The following PTCHD4 variants were observed in gnomAD, a reference collection of about 807,000 sequenced individuals.
PTCHD4 encodes the protein patched domain-containing protein 4.
PTCHD4 carries 33 observed loss-of-function variants against 58.1 expected under a neutral mutation model. That is an observed-to-expected ratio of 0.57 (90% confidence interval 0.43 to 0.76). PTCHD4 has a LOEUF of 0.76. PTCHD4 is among the 30% of genes least tolerant of loss of function. The pLI is 0.00. For missense variants in PTCHD4, 1,058 were observed against 1,027.1 expected (o/e 1.03, Z -0.41); for synonymous variants, 478 against 409.6 (o/e 1.17, Z -2.02).
intron 4 of PTCHD4, among the ~76,000 whole-genome samples, chr6:47,974,296 AT>A (rs1359113868): frequency 6.6e-6 from 1 of 152,118 alleles, no homozygotes; most frequent in Non-Finnish European, 1.5e-5. Context: ...GCCAAACTCC[AT>A]TTTCTCCTTC....
intron 1 of PTCHD4, among the ~76,000 whole-genome samples, chr6:48,094,452 T>C (rs1765423172): frequency 6.6e-6 from 1 of 152,092 alleles, no homozygotes; most frequent in Non-Finnish European, 1.5e-5. Context: ...TGAAGAAACA[T>C]TGAGATCAAT....
chr6:47,925,606 C>T (rs1287509447), intron 4 of PTCHD4, among the ~76,000 whole-genome samples: 1 of 152,208 alleles, frequency 6.6e-6, no homozygotes, highest in African/African-American at 2.4e-5. Context: ...AGCATCACAG[C>T]TCCTTAAATT....
chr6:47,913,153 G>A (rs979204041), intron 4 of PTCHD4, among the ~76,000 whole-genome samples: 21 of 152,024 alleles, frequency 1.4e-4, no homozygotes, highest in African/African-American at 4.8e-4. Context: ...TTTGTGCCAG[G>A]CACTTAGCTT....
intron 1 of PTCHD4, among the ~76,000 whole-genome samples, chr6:48,080,168 G>A (rs2113892829): frequency 6.6e-6 from 1 of 152,034 alleles, no homozygotes; most frequent in South Asian, 2.1e-4. Flanking sequence ...CTCAGACTAT[G>A]TTTGACATTC....
At chr6:47,909,977 G>A (rs527909953) in intron 4 of PTCHD4, among the ~76,000 whole-genome samples, 4 of 152,164 alleles carry the variant, frequency 2.6e-5, no homozygotes, top group East Asian at 1.9e-4. Flanking sequence ...TTATATAAAC[G>A]TGTTTGTTTT....
rs139391916 is a variant in PTCHD4 at position 47,874,273 on chromosome 6, C to T, written c.*4030G>A. 2.8e-3 allele frequency among the ~76,000 whole-genome samples: 418 copies of T among 151,768 alleles called. 3 individuals carry two copies. The highest frequency in any genetic ancestry group is 8.1e-3 in the African/African-American group (337 of 41,462). On this transcript the variant is annotated 3_prime_UTR_variant, in exon 5 of 5. Transcript: ENST00000339488. ...ATTGCTTACCTGGGGATGGAACTTT[C>T]TGTGGACTTTAGGCCCTTAAGACCA...
intron 3 of PTCHD4, among the ~76,000 whole-genome samples, chr6:48,020,283 G>A (rs1284838563): frequency 6.6e-6 from 1 of 151,938 alleles, no homozygotes; most frequent in Admixed American, 6.6e-5. Context: ...AGGTTTTTCA[G>A]ATCTTATGGA....
rs1764860831 is a variant in PTCHD4 at position 48,068,148 on chromosome 6, T to C, written c.417+82A>G. Reference sequence around the variant, plus strand: ...CTGAGATCCTCTAGCACTGAAATAATATCATCCAGCACGCATTTCTTATCC... The same window carrying C: ...CTGAGATCCTCTAGCACTGAAATAACATCATCCAGCACGCATTTCTTATCC... On this transcript the variant is annotated intron_variant, in intron 3 of 4. Transcript: ENST00000339488. This position sits in a 1 kb window ranked among gnomAD's most constrained non-coding sequence, Gnocchi z 4.2. The C allele has an allele frequency of 7.0e-7, 1 of 1,418,610 alleles. No homozygotes were observed. 87.9% of individuals were successfully genotyped at this position (1,418,610 alleles called of 1,614,324 possible).
intron 4 of PTCHD4, among the ~76,000 whole-genome samples, chr6:47,897,632 A>T (rs115020642): frequency 0.013 from 2,023 of 152,282 alleles, 21 homozygotes; most frequent in South Asian, 0.026. Flanking sequence ...AGATTCCTAC[A>T]TTGGCTTCTG....
At chr6:47,978,128 TCTC>T (rs775748323) in intron 4 of PTCHD4, among the ~76,000 whole-genome samples, 5 of 152,118 alleles carry the variant, frequency 3.3e-5, no homozygotes, top group African/African-American at 4.8e-5. Context: ...TTATTTTTCT[TCTC>T]CTCCTTTACT....
At chr6:47,950,031 TC>T (rs1477224263) in intron 4 of PTCHD4, among the ~76,000 whole-genome samples, 3 of 93,686 alleles carry the variant, frequency 3.2e-5, no homozygotes, top group Non-Finnish European at 6.4e-5. Context: ...CTCTTCCCCC[TC>T]CCCCCACCCC....
At chr6:47,995,180 A>G (rs927239091) in intron 4 of PTCHD4, among the ~76,000 whole-genome samples, 3 of 152,200 alleles carry the variant, frequency 2.0e-5, no homozygotes, top group Non-Finnish European at 2.9e-5. Flanking sequence ...TACTTAGTTC[A>G]TTTACTTACA....
intron 4 of PTCHD4, among the ~76,000 whole-genome samples, chr6:47,925,506 T>C (rs568789720): frequency 6.6e-6 from 1 of 152,224 alleles, no homozygotes; most frequent in African/African-American, 2.4e-5. Context: ...TAGAGAAGAG[T>C]GGCACCAACT....
intron 4 of PTCHD4, among the ~76,000 whole-genome samples, chr6:47,891,331 G>A (rs1764375683): frequency 6.6e-6 from 1 of 151,612 alleles, no homozygotes; most frequent in Non-Finnish European, 1.5e-5. Flanking sequence ...ACTCCCAGCT[G>A]TGTTGAGTGT....
At chr6:48,014,879 T>G in intron 3 of PTCHD4, among the ~76,000 whole-genome samples, 1 of 152,100 alleles carries the variant, frequency 6.6e-6, no homozygotes, top group East Asian at 1.9e-4. Context: ...GTCCAGTCCT[T>G]TCTAGAGTCC....
chr6:48,047,734 C>T (rs1764088256), intron 3 of PTCHD4, among the ~76,000 whole-genome samples: 1 of 151,736 alleles, frequency 6.6e-6, no homozygotes, highest in Admixed American at 6.6e-5. Flanking sequence ...GCTCCCTTGC[C>T]CCTTCTATCA....
chr6:48,067,158 G>A lies in PTCHD4; in HGVS notation c.417+1072C>T, dbSNP rs1265232402. Among the ~76,000 whole-genome samples the A allele has an allele frequency of 2.0e-5, 3 of 152,234 alleles. No homozygotes were observed. In the East Asian group the frequency reaches 5.8e-4, roughly 29 times the overall value. On this transcript the variant is annotated intron_variant, in intron 3 of 4. Coordinates refer to ENST00000339488, the MANE Select transcript of PTCHD4 (RefSeq NM_001384253.1). ...GACAAATGGTGCAGTGACTCTTTTG[G>A]AAGTCACATTTGTCCCTGAAACTTC...
chr6:47,987,631 G>T (rs1023005958), intron 4 of PTCHD4, among the ~76,000 whole-genome samples: 2 of 152,088 alleles, frequency 1.3e-5, no homozygotes, highest in Non-Finnish European at 2.9e-5. Context: ...GGAATGAGAG[G>T]GTTCAGAAAT....
chr6:47,914,760 CTATCTA>C (rs1561954637), intron 4 of PTCHD4, among the ~76,000 whole-genome samples: 51 of 148,206 alleles, frequency 3.4e-4, no homozygotes, highest in African/African-American at 1.3e-3. Flanking sequence ...ATCTATCTAT[CTATCTA>C]TCTATCTATC....
Sources: gnomAD v4.1 joint callset for allele counts (sites outside exome capture counted in the v4.1 genomes callset) on GRCh38, gnomAD v4.1.1 for gene constraint, Gnocchi (gnomAD v3.1) non-coding constraint, MANE v1.5 for transcripts, NCBI Gene and HGNC (gene_info 2026-07-23, HGNC 2026-07-21) for gene names.